Variants in MTTP observed in about 807,000 individuals in gnomAD.
The protein encoded by MTTP is microsomal triglyceride transfer protein, also known as microsomal triglyceride transfer protein large subunit.
MTTP carries 49 observed loss-of-function variants against 90.6 expected under a neutral mutation model. The observed-to-expected ratio is 0.54, with a 90% CI of 0.43 to 0.69. The LOEUF (loss-of-function observed/expected upper bound fraction) is 0.69, where lower values mean the gene tolerates loss of function less well. MTTP is among the 30% of genes least tolerant of loss of function. The probability of loss-of-function intolerance (pLI) is 0.00; values close to 1 mark genes in which losing one functional copy is unlikely to be tolerated. For missense variants in MTTP, 945 were observed against 1,067.5 expected (o/e 0.89, Z 1.60); for synonymous variants, 347 against 384.2 (o/e 0.90, Z 1.13).
At chr4:99,598,286 CTT>C (rs1725607088) in intron 8 of MTTP, among the ~76,000 whole-genome samples, 1 of 152,068 alleles carries the variant, frequency 6.6e-6, no homozygotes, top group South Asian at 2.1e-4. Context: ...AGGGACTTGT[CTT>C]AACATTATTT....
rs189037555 is a variant in MTTP at position 99,610,995 on chromosome 4, G to A, written c.1770-148G>A. On this transcript the variant is annotated intron_variant, in intron 12 of 17. Coordinates refer to ENST00000265517, the MANE Select transcript of MTTP (RefSeq NM_001386140.1). ...CTAGCCCTAATCCTGATGCTACCAC[G>A]CCAGCTGGCACCACCCTGGCTCTTG... 21 of 757,958 alleles carry A rather than the reference G, an allele frequency of 2.8e-5. No homozygotes were observed. In the East Asian group the frequency reaches 2.9e-4, roughly 11 times the overall value. The allele number at this position is 757,958 out of a possible 1,614,324, so 47.0% of individuals were successfully genotyped here.
At chr4:99,608,358 T>C (rs1462227368) in intron 11 of MTTP, among the ~76,000 whole-genome samples, 1 of 152,070 alleles carries the variant, frequency 6.6e-6, no homozygotes, top group East Asian at 1.9e-4. Flanking sequence ...GGCAGGAGAA[T>C]CACTTGAACC....
intron 1 of MTTP, among the ~76,000 whole-genome samples, chr4:99,580,339 C>T (rs1725073659): frequency 6.6e-6 from 1 of 150,906 alleles, no homozygotes. Flanking sequence ...CTTTGGGAGG[C>T]CGAGGTGGGT....
intron 6 of MTTP, among the ~76,000 whole-genome samples, chr4:99,593,599 G>GTTTTC (rs1382795054): frequency 2.0e-5 from 3 of 152,064 alleles, no homozygotes; most frequent in Admixed American, 6.6e-5. Context: ...AGAAAACAAT[G>GTTTTC]TTTTCTAGCA....
intron 1 of MTTP, among the ~76,000 whole-genome samples, chr4:99,578,989 T>C (rs922320095): frequency 6.6e-6 from 1 of 152,204 alleles, no homozygotes; most frequent in Non-Finnish European, 1.5e-5. Context: ...TTGAACCCGC[T>C]ATAGAGTCCC....
intron 15 of MTTP, among the ~76,000 whole-genome samples, chr4:99,616,392 C>A (rs1726100938): frequency 6.6e-6 from 1 of 151,932 alleles, no homozygotes; most frequent in Non-Finnish European, 1.5e-5. Context: ...AGAGCAAGAC[C>A]CCATCTCAAA....
At chr4:99,582,900 C>T (rs574916489) in intron 2 of MTTP, among the ~76,000 whole-genome samples, 1 of 152,290 alleles carries the variant, frequency 6.6e-6, no homozygotes, top group South Asian at 2.1e-4. Context: ...CATCATCCAT[C>T]TCTCTGAGCC....
chr4:99,591,581 T>C, intron 5 of MTTP, 70 bp from the exon 6 acceptor site: 1 of 1,518,170 alleles, frequency 6.6e-7, no homozygotes, highest in Non-Finnish European at 9.1e-7. Context: ...AAAGACAGTT[T>C]GCTATTTGAC....
chr4:99,571,515 GGTT>G (rs1226775954), upstream of MTTP, among the ~76,000 whole-genome samples: 1 of 151,670 alleles, frequency 6.6e-6, no homozygotes, highest in African/African-American at 2.4e-5. Flanking sequence ...GGATTTTTTT[GGTT>G]GTTGTCAAAT....
chr4:99,588,804 T>C (rs866492900), intron 3 of MTTP, among the ~76,000 whole-genome samples: 142 of 11,002 alleles, frequency 0.013, 5 homozygotes, highest in Middle Eastern at 0.17. Flanking sequence ...TATATGTTCA[T>C]ATATATACAC....
intron 3 of MTTP, among the ~76,000 whole-genome samples, chr4:99,585,190 G>C (rs1266967601): frequency 1.3e-5 from 2 of 152,130 alleles, no homozygotes; most frequent in Non-Finnish European, 2.9e-5. Flanking sequence ...TAGCTAAAAT[G>C]AACTAAGCAC....
chr4:99,570,145 A>T (rs1268679543), upstream of MTTP, among the ~76,000 whole-genome samples: 2 of 151,788 alleles, frequency 1.3e-5, no homozygotes, highest in Admixed American at 1.3e-4. Context: ...ATCTGGGGTC[A>T]ATTTTTTTCT....
intron 3 of MTTP, among the ~76,000 whole-genome samples, chr4:99,588,702 CAT>C (rs139447199): frequency 0.17 from 20,703 of 121,370 alleles, 2,272 homozygotes; most frequent in East Asian, 0.46. Context: ...TATATACACA[CAT>C]ATATATATAT....
intron 3 of MTTP, among the ~76,000 whole-genome samples, chr4:99,587,011 A>C (rs560392835): frequency 6.6e-6 from 1 of 152,294 alleles, no homozygotes; most frequent in South Asian, 2.1e-4. Context: ...GGATGTTCAG[A>C]ACTAATTTCA....
chr4:99,601,891 T>C (rs1281416506), intron 10 of MTTP, among the ~76,000 whole-genome samples, 177 bp downstream of exon 10: 3 of 152,156 alleles, frequency 2.0e-5, no homozygotes, highest in Non-Finnish European at 4.4e-5. Flanking sequence ...ATTATGTTTA[T>C]TGTATATTTC....
At chr4:99,586,942 C>A (rs1022479899) in intron 3 of MTTP, among the ~76,000 whole-genome samples, 1 of 152,060 alleles carries the variant, frequency 6.6e-6, no homozygotes, top group Non-Finnish European at 1.5e-5. Flanking sequence ...CAGGTCATAC[C>A]TGCTGCTGCT....
rs1726268664 is a variant in MTTP, at chr4:99,622,716, A to C, written c.2553A>C (p.Arg851Ser). The C allele has an allele frequency of 6.2e-7, 1 of 1,614,110 alleles. No individual in the cohort carries two copies. The highest frequency in any genetic ancestry group is 2.2e-5 in the East Asian group (1 of 44,878). Residue 851 changes from arginine (R) to serine (S), a missense_variant, in exon 18 of 18, where the codon AGA becomes AGC. Arg to Ser is a moderately radical substitution (Grantham distance 110). Transcript: ENST00000265517. ...EKKYERLSTG[R>S]GYVSQKRKES... is the part of the protein sequence containing the mutation. ...AGTACGAAAGGCTGTCCACAGGCAGAGGTTATGTCTCTCAGAAAAGAAAAG... is the reference window on the plus strand; with the variant it reads ...AGTACGAAAGGCTGTCCACAGGCAGCGGTTATGTCTCTCAGAAAAGAAAAG...
chr4:99,623,013 G>A lies in MTTP; in HGVS notation c.*165G>A. 1.4e-6 allele frequency: 1 copy of A among 737,932 alleles called. No individual in the cohort carries two copies. The highest frequency in any genetic ancestry group is 2.7e-5 in the East Asian group (1 of 37,686). The allele number at this position is 737,932 out of a possible 1,614,324, so 45.7% of individuals were successfully genotyped here. ...GCAGTTTGATCAAATTTGGGTATAT[G>A]CAGTATGCTACCCACAGCGTCATTT... On this transcript the variant is annotated 3_prime_UTR_variant, in exon 18 of 18. Coordinates refer to ENST00000265517, the MANE Select transcript of MTTP (RefSeq NM_001386140.1).
chr4:99,598,252 C>T (rs1725606249), intron 8 of MTTP, among the ~76,000 whole-genome samples: 2 of 152,110 alleles, frequency 1.3e-5, no homozygotes, highest in Non-Finnish European at 2.9e-5. Context: ...GTTTTAATTA[C>T]AGCATGTTAA....
Sources: allele counts gnomAD v4.1 joint callset (sites outside exome capture counted in the v4.1 genomes callset), GRCh38; gene constraint gnomAD v4.1.1; transcripts MANE v1.5; gene names NCBI Gene and HGNC (gene_info 2026-07-23, HGNC 2026-07-21).